SNU13: variants seen among roughly 807,000 people sequenced by gnomAD.
The protein encoded by SNU13 is small nuclear ribonucleoprotein 13.
A neutral mutation model predicts 12.4 loss-of-function variants in SNU13; 2 were observed. The observed-to-expected ratio is 0.16, with a 90% CI of 0.07 to 0.51. The LOEUF (loss-of-function observed/expected upper bound fraction) is 0.51. SNU13 is among the 20% of genes least tolerant of loss of function. The pLI is 0.96. For synonymous variants in SNU13, 68 were observed against 66.5 expected (o/e 1.02, Z -0.11); for missense variants, 66 against 157.8 (o/e 0.42, Z 3.12).
At position 41,681,170 on chromosome 22, in the gene SNU13, C is replaced by T. The variant is rs1243239381; in HGVS notation, c.4-806G>A. On this transcript the variant is annotated intron_variant, in intron 1 of 2. Transcript: ENST00000401959. ...ATTTCCTCACCTCCTCTACAATACA[C>T]ACAAAATGGTTCCAAAATTGCTACA... The T allele has an allele frequency of 9.2e-5, 14 of 152,210 alleles. 1 individual carries two copies. Among genetic ancestry groups the T allele is most frequent in the Non-Finnish European group, 7.3e-5 (5 of 68,032 alleles). The allele number at this position is 152,210 out of a possible 1,614,324, so 9.4% of individuals were successfully genotyped here.
chr22:41,688,891 G>A, upstream of SNU13: 4 of 1,491,414 alleles, frequency 2.7e-6, no homozygotes, highest in Admixed American at 4.0e-5. Flanking sequence ...AAGCAGCAGC[G>A]GAAATGGCCC....
intron 1 of SNU13, 132 bp downstream of exon 1, chr22:41,688,658 CTAAG>C: frequency 1.6e-6 from 2 of 1,285,678 alleles, no homozygotes; most frequent in Non-Finnish European, 2.1e-6. Flanking sequence ...GGGGTTCTAA[CTAAG>C]GGCCCGGCGG....
intron 1 of SNU13, chr22:41,682,740 G>C (rs771289250): frequency 8.6e-5 from 26 of 302,704 alleles, no homozygotes; most frequent in Non-Finnish European, 1.4e-4. Flanking sequence ...GAGTGCAGTG[G>C]CGCGATCTCG....
upstream of SNU13, chr22:41,690,418 C>T (rs2068349916): frequency 1.4e-6 from 1 of 719,340 alleles, no homozygotes. Flanking sequence ...TGAACAATTC[C>T]CCAATACTGT....
upstream of SNU13, among the ~76,000 whole-genome samples, chr22:41,689,485 CA>C (rs1343436021): frequency 1.0e-4 from 15 of 144,964 alleles, no homozygotes; most frequent in African/African-American, 3.9e-4. Context: ...CTGGCTAACA[CA>C]GTGAACCGTC....
chr22:41,682,919 G>A (rs1345304430), intron 1 of SNU13, among the ~76,000 whole-genome samples: 1 of 152,088 alleles, frequency 6.6e-6, no homozygotes, highest in East Asian at 1.9e-4. Flanking sequence ...AAAGTGCTGG[G>A]ATTACAGGCA....
intron 1 of SNU13, chr22:41,688,071 G>A (rs2068326557): frequency 6.6e-6 from 1 of 152,184 alleles, no homozygotes; most frequent in South Asian, 2.1e-4. Flanking sequence ...TACTACGCCA[G>A]GACACACGTT....
chr22:41,678,818 CT>C (rs2068236617), intron 2 of SNU13, among the ~76,000 whole-genome samples: 2 of 152,218 alleles, frequency 1.3e-5, no homozygotes, highest in African/African-American at 2.4e-5. Context: ...TCTACTTTAT[CT>C]TCCTTCAGCA....
At chr22:41,678,460 C>T (rs554172340) in intron 2 of SNU13, among the ~76,000 whole-genome samples, 5 of 152,222 alleles carry the variant, frequency 3.3e-5, no homozygotes, top group South Asian at 4.2e-4. Flanking sequence ...GGCAGAAGTA[C>T]GGAAAATTGT....
intron 1 of SNU13, among the ~76,000 whole-genome samples, chr22:41,686,689 T>C (rs2068313122): frequency 6.6e-6 from 1 of 151,638 alleles, no homozygotes; most frequent in Non-Finnish European, 1.5e-5. Context: ...TGCAGTGGCA[T>C]GATCTCGGCT....
upstream of SNU13, among the ~76,000 whole-genome samples, chr22:41,689,761 T>G (rs1601579551): frequency 1.3e-5 from 2 of 151,980 alleles, no homozygotes; most frequent in African/African-American, 2.4e-5. Context: ...GCGGATCACC[T>G]GAGGTTGGGA....
intron 2 of SNU13, among the ~76,000 whole-genome samples, chr22:41,678,445 A>G (rs948573858): frequency 6.6e-6 from 1 of 152,214 alleles, no homozygotes; most frequent in Non-Finnish European, 1.5e-5. Context: ...AATACCTGAC[A>G]CTGAGGCAGA....
upstream of SNU13, among the ~76,000 whole-genome samples, chr22:41,689,840 T>C (rs1398696009): frequency 2.0e-5 from 3 of 151,596 alleles, no homozygotes; most frequent in Non-Finnish European, 2.9e-5. Context: ...TAGCCGGGCG[T>C]GGTGGCGCAT....
intron 1 of SNU13, chr22:41,687,856 A>G (rs1197376813): frequency 1.3e-5 from 2 of 152,218 alleles, no homozygotes; most frequent in Admixed American, 6.6e-5. Flanking sequence ...TCCGATTCCA[A>G]AACGTTTCAG....
At chr22:41,680,599 T>C (rs770078488) in intron 1 of SNU13, among the ~76,000 whole-genome samples, 3 of 152,250 alleles carry the variant, frequency 2.0e-5, no homozygotes, top group Admixed American at 6.5e-5. Flanking sequence ...TCATGTACTT[T>C]TGTCTTTCTT....
At chr22:41,683,061 G>A (rs2068280312) in intron 1 of SNU13, among the ~76,000 whole-genome samples, 1 of 152,090 alleles carries the variant, frequency 6.6e-6, no homozygotes, top group Non-Finnish European at 1.5e-5. Context: ...GTGTAGTGGT[G>A]GCATCTTGGC....
At chr22:41,677,461 G>T (rs571971694) in intron 2 of SNU13, among the ~76,000 whole-genome samples, 1 of 152,146 alleles carries the variant, frequency 6.6e-6, no homozygotes. Flanking sequence ...GGAGGTCGTG[G>T]CTGCAGTGAG....
chr22:41,675,004 T>C lies in SNU13; in HGVS notation c.316A>G (p.Ile106Val). ...SRPVIACSVT[I>V]KEGSQLKQQI... ...TGTTTCAGCTGCGAGCCTTCTTTGATGGTGACAGAACAGGCGATGACAGGC... is the reference window on the plus strand; with the variant it reads ...TGTTTCAGCTGCGAGCCTTCTTTGACGGTGACAGAACAGGCGATGACAGGC... The change falls in exon 3 of 3, where the codon ATC becomes GTC. Residue 106 changes from isoleucine (I) to valine (V), a missense_variant. Physicochemically the swap from Ile to Val is conservative, Grantham distance 29. Transcript: ENST00000401959. The C allele has an allele frequency of 6.2e-7, 1 of 1,614,180 alleles. No homozygotes were observed. The highest frequency in any genetic ancestry group is 8.5e-7 in the Non-Finnish European group (1 of 1,180,034).
Position 41,674,675 on chromosome 22 carries a change from C to A in SNU13, c.*258G>T. The A allele has an allele frequency of 2.2e-6, 1 of 449,030 alleles. No individual in the cohort carries two copies. Among genetic ancestry groups the A allele is most frequent in the Admixed American group, 3.8e-5 (1 of 26,342 alleles). The allele number at this position is 449,030 out of a possible 1,614,324, so 27.8% of individuals were successfully genotyped here. The stretch of plus-strand genomic sequence containing the variant: ...TCTGCCTTTCAACGGTGCCACCACC[C>A]TGCTTCTGTCTGCTCTGAACACTTG... On this transcript the variant is annotated 3_prime_UTR_variant, in exon 3 of 3. Transcript: ENST00000401959.
Sources: gnomAD v4.1 joint callset for allele counts (sites outside exome capture counted in the v4.1 genomes callset) on GRCh38, gnomAD v4.1.1 for gene constraint, MANE v1.5 for transcripts, NCBI Gene and HGNC (gene_info 2026-07-23, HGNC 2026-07-21) for gene names.